The following NRXN3 variants were observed in gnomAD, a reference collection of about 807,000 sequenced individuals.
NRXN3 encodes neurexin III.
A neutral mutation model predicts 137.6 loss-of-function variants in NRXN3; 32 were observed. The ratio of observed to expected loss-of-function variants is 0.23; its 90% confidence interval spans 0.18 to 0.31. NRXN3 has a LOEUF of 0.31. Among genes scored for constraint, NRXN3 ranks in the 10% least tolerant of loss-of-function variants. The probability of loss-of-function intolerance (pLI) is 1.00; values close to 1 mark genes in which losing one functional copy is unlikely to be tolerated. For synonymous variants in NRXN3, 798 were observed against 784.5 expected (o/e 1.02, Z -0.29); for missense variants, 1,574 against 2,062.5 (o/e 0.76, Z 4.59).
chr14:78,235,000 A>ATATATATATATG (rs1567037052), intron 1 of NRXN3, among the ~76,000 whole-genome samples: 4 of 38,656 alleles, frequency 1.0e-4, no homozygotes, highest in African/African-American at 4.5e-4. Flanking sequence ...GCTTTTATAT[A>ATATATATATATG]TATATATATA....
At chr14:78,418,039 G>A (rs1348596948) in intron 4 of NRXN3, among the ~76,000 whole-genome samples, 2 of 152,176 alleles carry the variant, frequency 1.3e-5, no homozygotes, top group Non-Finnish European at 2.9e-5. Context: ...TTACAGGCAT[G>A]AGCCCCCAAG....
At chr14:79,256,158 CTG>C (rs2076549546) in intron 15 of NRXN3, among the ~76,000 whole-genome samples, 1 of 150,860 alleles carries the variant, frequency 6.6e-6, no homozygotes, top group Non-Finnish European at 1.5e-5. Flanking sequence ...GTCTGTCTCT[CTG>C]TCTCTCTCTC....
chr14:79,827,536 C>T (rs190220926), intron 20 of NRXN3, among the ~76,000 whole-genome samples: 2 of 152,054 alleles, frequency 1.3e-5, no homozygotes, highest in African/African-American at 2.4e-5. Context: ...AAAGAAAAGA[C>T]GTTTAATTCG....
intron 16 of NRXN3, among the ~76,000 whole-genome samples, chr14:79,630,985 G>GT (rs765788896): frequency 2.6e-5 from 4 of 152,222 alleles, no homozygotes; most frequent in East Asian, 3.9e-4. Context: ...AGTGGTAGAA[G>GT]TTTTTTTTAC....
rs140648356 is a variant in NRXN3, at chr14:78,633,392, A to C, written c.758-11728A>C. On this transcript the variant is annotated intron_variant, in intron 4 of 20. Transcript: ENST00000335750. ...TCACTAAAGATTTTCTTCTTTATTTAGGTTTCTTGAATCAGGTCACCGATT... is the reference window on the plus strand; with the variant it reads ...TCACTAAAGATTTTCTTCTTTATTTCGGTTTCTTGAATCAGGTCACCGATT... Among the ~76,000 whole-genome samples the C allele has an allele frequency of 7.7e-4, 117 of 152,220 alleles. 1 individual carries two copies. The East Asian group carries it at 0.011, about 15-fold the overall frequency.
At chr14:79,008,049 A>C (rs1011622386) in intron 15 of NRXN3, among the ~76,000 whole-genome samples, 1 of 152,126 alleles carries the variant, frequency 6.6e-6, no homozygotes, top group African/African-American at 2.4e-5. Context: ...CCATGTGGGA[A>C]GTAAACCCTA....
intron 16 of NRXN3, among the ~76,000 whole-genome samples, chr14:79,476,107 A>G (rs1215346467): frequency 2.0e-5 from 3 of 152,068 alleles, no homozygotes; most frequent in Non-Finnish European, 4.4e-5. Context: ...GCAACAGGGC[A>G]AGAAATAACT....
At chr14:78,347,922 G>A (rs1597598579) in intron 4 of NRXN3, among the ~76,000 whole-genome samples, 1 of 152,176 alleles carries the variant, frequency 6.6e-6, no homozygotes, top group East Asian at 1.9e-4. Flanking sequence ...AGTCGTTGCA[G>A]AAGGGTTTGT....
intron 4 of NRXN3, among the ~76,000 whole-genome samples, chr14:78,358,879 G>C (rs2084707036): frequency 6.6e-6 from 1 of 152,124 alleles, no homozygotes. Flanking sequence ...GAATGCATCT[G>C]GTAGAGCCAA....
At chr14:79,830,886 G>A (rs1451371954) in intron 20 of NRXN3, among the ~76,000 whole-genome samples, 1 of 152,096 alleles carries the variant, frequency 6.6e-6, no homozygotes, top group Non-Finnish European at 1.5e-5. Flanking sequence ...ATAGCTGTAA[G>A]TCAGCTGTTT....
intron 11 of NRXN3, among the ~76,000 whole-genome samples, chr14:78,960,627 A>T (rs2099406274): frequency 6.6e-6 from 1 of 152,202 alleles, no homozygotes; most frequent in Non-Finnish European, 1.5e-5. Context: ...ATTATTAAGA[A>T]TACATTACTA....
intron 16 of NRXN3, among the ~76,000 whole-genome samples, chr14:79,655,970 A>C (rs2098503507): frequency 6.6e-6 from 1 of 152,226 alleles, no homozygotes; most frequent in Admixed American, 6.5e-5. Context: ...AGGGTCTTGC[A>C]CTAGCACTAG....
chr14:79,753,046 C>T (rs1386209395), intron 19 of NRXN3, among the ~76,000 whole-genome samples: 8 of 150,722 alleles, frequency 5.3e-5, no homozygotes, highest in Admixed American at 6.6e-5. Flanking sequence ...GTTAGAATGG[C>T]AATCATTAAA....
At chr14:78,521,879 ATTG>A (rs886399354) in intron 4 of NRXN3, among the ~76,000 whole-genome samples, 21 of 152,280 alleles carry the variant, frequency 1.4e-4, no homozygotes, top group African/African-American at 4.6e-4. Context: ...AAATTAACTT[ATTG>A]TTGTCCTTTA....
chr14:79,827,809 C>G (rs1003424825), intron 20 of NRXN3, among the ~76,000 whole-genome samples: 4 of 151,958 alleles, frequency 2.6e-5, no homozygotes, highest in Admixed American at 6.6e-5. Flanking sequence ...ATTCTCCTGC[C>G]TCAGCCTCCC....
At chr14:78,507,701 G>C (rs540257014) in intron 4 of NRXN3, among the ~76,000 whole-genome samples, 1 of 152,152 alleles carries the variant, frequency 6.6e-6, no homozygotes, top group Non-Finnish European at 1.5e-5. Context: ...GTGGCTGTTA[G>C]CCTCTAATTA....
intron 6 of NRXN3, among the ~76,000 whole-genome samples, chr14:78,689,067 A>G (rs1440400720): frequency 6.6e-6 from 1 of 152,188 alleles, no homozygotes; most frequent in African/African-American, 2.4e-5. Flanking sequence ...GAACTGTGGA[A>G]TAAAGATAGG....
intron 8 of NRXN3, among the ~76,000 whole-genome samples, chr14:78,719,561 G>C (rs762618703): frequency 3.4e-4 from 52 of 152,202 alleles, no homozygotes; most frequent in Non-Finnish European, 4.7e-4. Flanking sequence ...GTTGGCAGAG[G>C]CCAGGAGTGG....
intron 20 of NRXN3, among the ~76,000 whole-genome samples, chr14:79,809,263 T>C (rs1003978152): frequency 6.6e-6 from 1 of 152,182 alleles, no homozygotes; most frequent in African/African-American, 2.4e-5. Context: ...TGTTTTAGAA[T>C]TTTTATTTCT....
Sources: allele counts gnomAD v4.1 joint callset (sites outside exome capture counted in the v4.1 genomes callset), GRCh38; gene constraint gnomAD v4.1.1; transcripts MANE v1.5; gene names NCBI Gene and HGNC (gene_info 2026-07-23, HGNC 2026-07-21).